The following FOXK1 variants were observed in gnomAD, a reference collection of about 807,000 sequenced individuals.
The protein encoded by FOXK1 is forkhead box protein K1.
In FOXK1, 19 loss-of-function variants were observed where a neutral mutation model predicts 51.9. The observed-to-expected ratio is 0.37, with a 90% CI of 0.26 to 0.54. The LOEUF (loss-of-function observed/expected upper bound fraction) is 0.54. Ranked by LOEUF, FOXK1 falls within the 20% of genes least tolerant of loss-of-function variation. The probability of loss-of-function intolerance (pLI) is 0.87; values close to 1 mark genes in which losing one functional copy is unlikely to be tolerated. For synonymous variants in FOXK1, 537 were observed against 482.6 expected, an observed-to-expected ratio of 1.11 and a Z score of -1.48; for missense variants, 870 against 1,032.7, an observed-to-expected ratio of 0.84 and a Z score of 2.16.
rs552635478 is a variant in FOXK1, at chr7:4,762,163, C to A, written c.1922-21C>A. Reference sequence around the variant, plus strand: ...GGTCCTAACCAGACCCCAGAGTAACCCTCTTCTTCCTCCACTCCAGCCCTC... The same window carrying A: ...GGTCCTAACCAGACCCCAGAGTAACACTCTTCTTCCTCCACTCCAGCCCTC... On this transcript the variant is annotated intron_variant, in intron 8 of 8. Coordinates refer to ENST00000328914, the MANE Select transcript of FOXK1 (RefSeq NM_001037165.2). The surrounding 1 kb of genome is among the most constrained non-coding windows in gnomAD (Gnocchi z 5.7). 9.7e-6 allele frequency: 15 copies of A among 1,538,976 alleles called. No homozygotes were observed. In the East Asian group the frequency reaches 3.2e-4, roughly 33 times the overall value.
In FOXK1 at chr7:4,754,825, CA is replaced by C. The variant is rs1333694897; in HGVS notation, c.903+211del. The C allele has an allele frequency of 1.0e-5, 7 of 679,684 alleles. 1 individual carries two copies. The highest frequency in any genetic ancestry group is 9.7e-6 in the Non-Finnish European group (4 of 411,720). The allele number at this position is 679,684 out of a possible 1,614,324, so 42.1% of individuals were successfully genotyped here. On this transcript the variant is annotated intron_variant, in intron 3 of 8. Coordinates refer to ENST00000328914, the MANE Select transcript of FOXK1 (RefSeq NM_001037165.2). Reference sequence around the variant, plus strand: ...ATCCCCGTTGGTCATTTGCTGGTGACAGGGGTGGCGCCGTCACCGAGGGCCC... The same window carrying C: ...ATCCCCGTTGGTCATTTGCTGGTGACGGGGTGGCGCCGTCACCGAGGGCCC...
chr7:4,708,882 T>C (rs1780139083), intron 1 of FOXK1, among the ~76,000 whole-genome samples: 1 of 152,060 alleles, frequency 6.6e-6, no homozygotes, highest in African/African-American at 2.4e-5. Context: ...CTGGTCAACA[T>C]AGTGAGACCC....
At chr7:4,725,177 T>C (rs1370600222) in intron 1 of FOXK1, among the ~76,000 whole-genome samples, 2 of 152,232 alleles carry the variant, frequency 1.3e-5, no homozygotes, top group African/African-American at 4.8e-5. Flanking sequence ...TCTGAATTTG[T>C]TTCATTTCAC....
At chr7:4,705,301 C>A (rs1780069204) in intron 1 of FOXK1, among the ~76,000 whole-genome samples, 1 of 152,100 alleles carries the variant, frequency 6.6e-6, no homozygotes, top group South Asian at 2.1e-4. Flanking sequence ...CATCTTCCCA[C>A]CTCAGCCTCC....
In FOXK1 at chr7:4,753,045, A is replaced by G. The variant is rs1780799280; in HGVS notation, c.747-1414A>G. Among the ~76,000 whole-genome samples the G allele has an allele frequency of 6.6e-6, 1 of 152,202 alleles. No homozygotes were observed. The highest frequency in any genetic ancestry group is 1.5e-5 in the Non-Finnish European group (1 of 68,048). On this transcript the variant is annotated intron_variant, in intron 2 of 8. Coordinates refer to ENST00000328914, the MANE Select transcript of FOXK1 (RefSeq NM_001037165.2). This position sits in a 1 kb window ranked among gnomAD's most constrained non-coding sequence, Gnocchi z 4.9. The stretch of plus-strand genomic sequence containing the variant: ...TGTGGGTGTTCATTTAAGTTTCGAC[A>G]CGTGTGGAACTTACCTATCTCTGCC...
chr7:4,750,203 T>C (rs1780756781), intron 2 of FOXK1, among the ~76,000 whole-genome samples: 1 of 152,154 alleles, frequency 6.6e-6, no homozygotes, highest in Admixed American at 6.5e-5. Flanking sequence ...GGCACAGGCG[T>C]TTGATTCCCG....
At chr7:4,746,631 C>T (rs370193674) in intron 2 of FOXK1, among the ~76,000 whole-genome samples, 20 of 152,254 alleles carry the variant, frequency 1.3e-4, no homozygotes, top group South Asian at 4.1e-4. Flanking sequence ...GAGGCTGTGG[C>T]GAGCTATGAT....
rs749991570 is a variant in FOXK1 at position 4,762,021 on chromosome 7, GGCAGGGCCC to G, written c.1922-156_1922-148del. Among the ~76,000 whole-genome samples the G allele has an allele frequency of 2.4e-4, 37 of 152,218 alleles. No homozygotes were observed. Among genetic ancestry groups the G allele is most frequent in the Non-Finnish European group, 4.9e-4 (33 of 67,986 alleles). On this transcript the variant is annotated intron_variant, in intron 8 of 8. Transcript: ENST00000328914. This position sits in a 1 kb window ranked among gnomAD's most constrained non-coding sequence, Gnocchi z 5.7. ...AGGGCAGATGAGGTGGGGAGGGGAC[GGCAGGGCCC>G]GCAGGGAGCAGAGCAAGGGTAGCCG... is the stretch of plus-strand genomic sequence containing the variant.
At chr7:4,726,740 T>A (rs1219946807) in intron 1 of FOXK1, among the ~76,000 whole-genome samples, 1 of 152,238 alleles carries the variant, frequency 6.6e-6, no homozygotes, top group Non-Finnish European at 1.5e-5. Context: ...CGGCAGCTGC[T>A]TTGCCCTCAA....
intron 1 of FOXK1, among the ~76,000 whole-genome samples, chr7:4,695,971 C>T (rs546905382): frequency 6.6e-6 from 1 of 151,302 alleles, no homozygotes; most frequent in Non-Finnish European, 1.5e-5. Context: ...CAAAAATTAG[C>T]TGGGTGTGGT....
rs770836439 is a variant in FOXK1, at chr7:4,759,346, G to C, written c.1447G>C (p.Val483Leu). Residue 483 changes from valine to leucine, a missense_variant, in exon 7 of 9, where the codon GTG becomes CTG. Around this residue, in one of 3 missense-constraint regions of FOXK1, gnomAD observed 457 missense variants for 510.8 expected, o/e 0.89. Coordinates refer to ENST00000328914, the MANE Select transcript of FOXK1 (RefSeq NM_001037165.2). ...PVSAQPVIMA[V>L]PPRPSSLVAK... ...CAGCGCCCAGCCAGTGATCATGGCC[G>C]TGCCTCCCCGACCGTCCAGCCTCGT... 3 of 1,601,726 alleles carry C rather than the reference G, an allele frequency of 1.9e-6. No individual in the cohort carries two copies. The highest frequency in any genetic ancestry group is 1.7e-5 in the Admixed American group (1 of 59,900).
chr7:4,766,762 G>A lies in FOXK1; in HGVS notation c.*4298G>A, dbSNP rs1781016431. ...TTTTCTGTACTGGTTTGAGATCACA[G>A]GCATCATTCAGCGAATGCTCTTGTG... is the stretch of plus-strand genomic sequence containing the variant. On this transcript the variant is annotated 3_prime_UTR_variant, in exon 9 of 9. Coordinates refer to ENST00000328914, the MANE Select transcript of FOXK1 (RefSeq NM_001037165.2). This position sits in a 1 kb window ranked among gnomAD's most constrained non-coding sequence, Gnocchi z 5.5. 6.6e-6 allele frequency: 1 copy of A among 152,202 alleles called. No individual in the cohort carries two copies. The highest frequency in any genetic ancestry group is 2.4e-5 in the African/African-American group (1 of 41,434). 9.4% of individuals were successfully genotyped at this position (152,202 alleles called of 1,614,324 possible).
chr7:4,703,550 C>T lies in FOXK1; in HGVS notation c.560+20682C>T, dbSNP rs1203826323. On this transcript the variant is annotated intron_variant, in intron 1 of 8. Transcript: ENST00000328914. This position sits in a 1 kb window ranked among gnomAD's most constrained non-coding sequence, Gnocchi z 5.6. Reference sequence around the variant, plus strand: ...AGAGCCACAACAAGTTGAAGGTGCCCAGGAGACTTGGGTACATTTTGCTCA... The same window carrying T: ...AGAGCCACAACAAGTTGAAGGTGCCTAGGAGACTTGGGTACATTTTGCTCA... Among the ~76,000 whole-genome samples, 1 of 152,210 alleles carries T rather than the reference C, an allele frequency of 6.6e-6. No homozygotes were observed. Among genetic ancestry groups the T allele is most frequent in the African/African-American group, 2.4e-5 (1 of 41,464 alleles).
intron 2 of FOXK1, among the ~76,000 whole-genome samples, chr7:4,744,913 T>G (rs1554253823): frequency 6.6e-6 from 1 of 152,260 alleles, no homozygotes; most frequent in Non-Finnish European, 1.5e-5. Flanking sequence ...ATTGTTACAA[T>G]AAAAGCCTCT....
In FOXK1 at chr7:4,768,232, A is replaced by C. The variant is rs1408392017; in HGVS notation, c.*5768A>C. 1 of 127,834 alleles carries C rather than the reference A, an allele frequency of 7.8e-6. No homozygotes were observed. The highest frequency in any genetic ancestry group is 1.5e-5 in the Non-Finnish European group (1 of 65,836). 7.9% of individuals were successfully genotyped at this position (127,834 alleles called of 1,614,324 possible). On this transcript the variant is annotated 3_prime_UTR_variant, in exon 9 of 9. Coordinates refer to ENST00000328914, the MANE Select transcript of FOXK1 (RefSeq NM_001037165.2). ...ACTGCAAGCTCCGCCTCCCGGGTTC[A>C]CGCCATTCTCCTGCCTCAGCCTCCC... is the stretch of plus-strand genomic sequence containing the variant.
chr7:4,754,496 G>A lies in FOXK1; in HGVS notation c.784G>A (p.Gly262Ser), dbSNP rs766303334. The A allele has an allele frequency of 1.1e-5, 17 of 1,613,000 alleles. No homozygotes were observed. The highest frequency in any genetic ancestry group is 8.8e-5 in the South Asian group (8 of 91,086). The change falls in exon 3 of 9, where the codon GGC becomes AGC. Residue 262 changes from glycine (G) to serine (S), a missense_variant. By Grantham distance (56) the Gly-to-Ser change is moderately conservative. Around this residue, in one of 3 missense-constraint regions of FOXK1, gnomAD observed 399 missense variants for 475.6 expected, o/e 0.84. Transcript: ENST00000328914. ...CTGCCCAGCCAGTCCACGCGGTGCC[G>A]GCTCCTCCAGTTACCGCTTTGTGCA... ...NSCPASPRGAGSSSYRFVQNV... is the reference protein window; with the variant it reads ...NSCPASPRGASSSSYRFVQNV...
At position 4,762,099 on chromosome 7, in the gene FOXK1, G is replaced by A; in HGVS notation, c.1922-85G>A. ...CACTGACCTCCGGTTCCGGCTTGGT[G>A]GCTTAGCCCCTGTATAGGGGACTTG... is the stretch of plus-strand genomic sequence containing the variant. On this transcript the variant is annotated intron_variant, in intron 8 of 8. Transcript: ENST00000328914. This position sits in a 1 kb window ranked among gnomAD's most constrained non-coding sequence, Gnocchi z 5.7. 2 of 1,451,424 alleles carry A rather than the reference G, an allele frequency of 1.4e-6. No individual in the cohort carries two copies. Among genetic ancestry groups the A allele is most frequent in the East Asian group, 5.0e-5 (2 of 39,890 alleles). The allele number at this position is 1,451,424 out of a possible 1,614,324, so 89.9% of individuals were successfully genotyped here.
In FOXK1 at chr7:4,759,222, G is replaced by C. The variant is rs1363731956; in HGVS notation, c.1411+5G>C. ...GGTATTCCCAAAGCGCACCCGGTAA[G>C]GAGCGGGCGGCCCTCTTGCGGGGCG... On this transcript the variant is annotated splice_donor_5th_base_variant and intron_variant, in intron 6 of 8. Transcript: ENST00000328914. 5 of 1,611,984 alleles carry C rather than the reference G, an allele frequency of 3.1e-6. No homozygotes were observed. Among genetic ancestry groups the C allele is most frequent in the South Asian group, 1.1e-5 (1 of 91,086 alleles).
At chr7:4,728,896 T>C (rs1191427806) in intron 1 of FOXK1, among the ~76,000 whole-genome samples, 1 of 152,184 alleles carries the variant, frequency 6.6e-6, no homozygotes, top group African/African-American at 2.4e-5. Context: ...CGTCTGGTAC[T>C]TGGTATCAGT....
Sources: allele counts gnomAD v4.1 joint callset (sites outside exome capture counted in the v4.1 genomes callset), GRCh38; gene constraint gnomAD v4.1.1; regional missense constraint gnomAD v4.1.1; non-coding constraint Gnocchi (gnomAD v3.1); transcripts MANE v1.5; gene names NCBI Gene and HGNC (gene_info 2026-07-23, HGNC 2026-07-21).